The following IP6K3 variants were observed in gnomAD, a reference collection of about 807,000 sequenced individuals.
The protein encoded by IP6K3 is inositol hexakisphosphate kinase 3, also known as ATP:1D-myo-inositol-hexakisphosphate phosphotransferase.
IP6K3 carries 20 observed loss-of-function variants against 28.8 expected under a neutral mutation model. That is an observed-to-expected ratio of 0.70 (90% CI 0.49 to 1.01). IP6K3 has a LOEUF of 1.01. Among genes scored for constraint, IP6K3 ranks in the 50% least tolerant of loss-of-function variants. The pLI, the probability that IP6K3 is intolerant of heterozygous loss-of-function variation, is 0.00. For synonymous variants in IP6K3, 213 were observed against 221.3 expected (o/e 0.96, Z 0.33); for missense variants, 480 against 537.1 (o/e 0.89, Z 1.05).
At chr6:33,752,401 G>A in the IP6K3 span, among the ~76,000 whole-genome samples, 5 of 152,312 alleles carry the variant, frequency 3.3e-5, no homozygotes, top group South Asian at 1.0e-3. Context: ...ACGAGGGGGA[G>A]ACTGGGAGGA....
chr6:33,727,864 A>G lies in IP6K3; in HGVS notation c.413+223T>C, dbSNP rs982944208. On this transcript the variant is annotated intron_variant, in intron 3 of 5. Coordinates refer to ENST00000293756, the MANE Select transcript of IP6K3 (RefSeq NM_054111.5). ...AGTAGACAACTCTGCCTGTGCATCA[A>G]CTTCTGGGATAAAATGCATCGTAAT... 9 of 985,338 alleles carry G rather than the reference A, an allele frequency of 9.1e-6. No homozygotes were observed. In the African/African-American group the frequency reaches 1.6e-4, roughly 17 times the overall value. 61.0% of individuals were successfully genotyped at this position (985,338 alleles called of 1,614,324 possible).
upstream of IP6K3, among the ~76,000 whole-genome samples, chr6:33,748,642 C>CAAAAAAAA (rs35735336): frequency 2.6e-4 from 10 of 38,366 alleles, no homozygotes; most frequent in African/African-American, 7.8e-4. Context: ...ACCCTGTCTC[C>CAAAAAAAA]AAAAAAAAAA....
chr6:33,736,040 A>T (rs765714857), intron 1 of IP6K3, among the ~76,000 whole-genome samples: 1 of 151,856 alleles, frequency 6.6e-6, no homozygotes, highest in Non-Finnish European at 1.5e-5. Flanking sequence ...CTAATTTTAT[A>T]TTTTTTGTAG....
In IP6K3 at chr6:33,721,840, CT is replaced by C. The variant is rs1301674546; in HGVS notation, c.*879del. The C allele has an allele frequency of 6.6e-5, 10 of 152,544 alleles. No homozygotes were observed. Among genetic ancestry groups the C allele is most frequent in the African/African-American group, 2.4e-4 (10 of 41,412 alleles). 9.4% of individuals were successfully genotyped at this position (152,544 alleles called of 1,614,324 possible). On this transcript the variant is annotated 3_prime_UTR_variant, in exon 6 of 6. Coordinates refer to ENST00000293756, the MANE Select transcript of IP6K3 (RefSeq NM_054111.5). The stretch of plus-strand genomic sequence containing the variant: ...TCCACCAGTCTTGTAAACATTGCCC[CT>C]GGTTTCCTCCGTCCTCCAGGTTCTT...
intron 3 of IP6K3, chr6:33,727,784 A>T (rs1402489708): frequency 1.0e-6 from 1 of 968,636 alleles, no homozygotes; most frequent in Admixed American, 6.2e-5. Flanking sequence ...GAGACACTTC[A>T]TGGTCTCAGT....
rs560854134 is a variant in IP6K3 at position 33,735,718 on chromosome 6, G to T, written c.-179-63C>A. The T allele has an allele frequency of 4.6e-6, 4 of 875,472 alleles. No homozygotes were observed. The East Asian group carries it at 8.6e-5, about 19-fold the overall frequency. 54.2% of individuals were successfully genotyped at this position (875,472 alleles called of 1,614,324 possible). ...GAGGTGGTGGCTGGGGCAGGGCAGC[G>T]CTTGGAAGGGCCCACACAGCCTCGA... is the stretch of plus-strand genomic sequence containing the variant. On this transcript the variant is annotated intron_variant, in intron 1 of 5. Transcript: ENST00000293756.
rs1470887246 is a variant in IP6K3 at position 33,735,285 on chromosome 6, C to T, written c.192G>A (p.Gln64=). The T allele has an allele frequency of 6.2e-7, 1 of 1,612,464 alleles. No homozygotes were observed. The highest frequency in any genetic ancestry group is 1.7e-5 in the Admixed American group (1 of 59,856). Residue 64 remains glutamine, a synonymous_variant, in exon 2 of 6, where the codon CAG becomes CAA. Coordinates refer to ENST00000293756, the MANE Select transcript of IP6K3 (RefSeq NM_054111.5). The part of the protein sequence containing the change: ...LPLAMKRFTP[Q]YKGTVTVHLW... ...GGCTGCCTAGACACTCACCTTTGTA[C>T]TGTGGGGTGAACCGCTTCATGGCCA...
chr6:33,726,685 G>C, intron 4 of IP6K3, 46 bp downstream of exon 4: 1 of 1,510,810 alleles, frequency 6.6e-7, no homozygotes, highest in Non-Finnish European at 9.0e-7. Flanking sequence ...GTGTCTCTCT[G>C]TCGCCCCGCC....
the IP6K3 span, among the ~76,000 whole-genome samples, chr6:33,759,882 AAAG>A: frequency 2.6e-5 from 4 of 152,044 alleles, no homozygotes; most frequent in Admixed American, 2.0e-4. Flanking sequence ...AAAAAAAAAA[AAAG>A]GAGGGGAAAG....
the IP6K3 span, among the ~76,000 whole-genome samples, chr6:33,759,065 G>A: frequency 3.7e-4 from 56 of 152,298 alleles, no homozygotes; most frequent in Non-Finnish European, 6.8e-4. Flanking sequence ...CAGTGGGCCC[G>A]TTAAATCCTC....
rs769521530 is a variant in IP6K3 at position 33,722,995 on chromosome 6, G to A, written c.958C>T (p.Arg320Cys). The A allele has an allele frequency of 4.4e-5, 71 of 1,613,932 alleles. No individual in the cohort carries two copies. The highest frequency in any genetic ancestry group is 2.5e-4 in the East Asian group (11 of 44,880). The change falls in exon 6 of 6, where the codon CGC (arginine) becomes TGC (cysteine). Residue 320 changes from arginine to cysteine, a missense_variant. Physicochemically the swap from Arg to Cys is radical, Grantham distance 180. Transcript: ENST00000293756. ...LSVIRSQSSY[R>C]FYSSSLLVIY... ...ACAAGGAGAGAGCTGGAATAGAAGCGGTATGAACTCTGGCTCCTAATGACA... is the reference window on the plus strand; with the variant it reads ...ACAAGGAGAGAGCTGGAATAGAAGCAGTATGAACTCTGGCTCCTAATGACA...
At chr6:33,733,760 G>A (rs1050324968) in intron 2 of IP6K3, among the ~76,000 whole-genome samples, 4 of 152,230 alleles carry the variant, frequency 2.6e-5, no homozygotes, top group African/African-American at 9.6e-5. Flanking sequence ...GTCTCTCCGT[G>A]TGTGACGCTG....
In IP6K3 at chr6:33,724,984, G is replaced by A. The variant is rs577471705; in HGVS notation, c.765+457C>T. On this transcript the variant is annotated intron_variant, in intron 5 of 5. Transcript: ENST00000293756. ...GGGCCGGGCGCAGTGGCTCACACCT[G>A]TAGTCCCAGCACTTTGGGAGGCCAA... 1.2e-4 allele frequency among the ~76,000 whole-genome samples: 18 copies of A among 152,260 alleles called. No homozygotes were observed. In the South Asian group the frequency reaches 2.9e-3, roughly 25 times the overall value.
chr6:33,728,780 GCACCCTTCTTCTCCCTCC>G (rs1374064692), intron 2 of IP6K3, among the ~76,000 whole-genome samples: 2 of 152,102 alleles, frequency 1.3e-5, no homozygotes, highest in Non-Finnish European at 2.9e-5. Flanking sequence ...TGCCTCCTGA[GCACCCTTCTTCTCCCTCC>G]CACGTGTCTT....
At chr6:33,758,306 G>A in the IP6K3 span, among the ~76,000 whole-genome samples, 1 of 152,150 alleles carries the variant, frequency 6.6e-6, no homozygotes, top group Non-Finnish European at 1.5e-5. Context: ...CTTGAGCCCA[G>A]GAGTTTGAGA....
intron 1 of IP6K3, among the ~76,000 whole-genome samples, chr6:33,743,958 C>T (rs1387641519): frequency 6.6e-6 from 1 of 151,894 alleles, no homozygotes; most frequent in Admixed American, 6.6e-5. Context: ...TTTAGAAACC[C>T]TTCAGCCACT....
At chr6:33,732,750 C>T (rs992490663) in intron 2 of IP6K3, among the ~76,000 whole-genome samples, 6 of 152,188 alleles carry the variant, frequency 3.9e-5, no homozygotes, top group African/African-American at 1.4e-4. Flanking sequence ...AATTAGTGCA[C>T]GGAAGCTGCT....
chr6:33,755,946 C>T, the IP6K3 span, among the ~76,000 whole-genome samples: 2 of 152,214 alleles, frequency 1.3e-5, no homozygotes, highest in Admixed American at 1.3e-4. Flanking sequence ...CTCACTGCAA[C>T]CTCCACCTCC....
the IP6K3 span, among the ~76,000 whole-genome samples, chr6:33,754,332 G>A: frequency 2.0e-4 from 30 of 152,272 alleles, no homozygotes; most frequent in Admixed American, 1.1e-3. Context: ...CTGCTGGAAG[G>A]AAGGTGCGGG....
Sources: allele counts gnomAD v4.1 joint callset (sites outside exome capture counted in the v4.1 genomes callset), GRCh38; gene constraint gnomAD v4.1.1; transcripts MANE v1.5; gene names NCBI Gene and HGNC (gene_info 2026-07-23, HGNC 2026-07-21).